STAC: variants seen among roughly 807,000 people sequenced by gnomAD.
The protein encoded by STAC is SH3 and cysteine rich domain, also known as SH3 and cysteine-rich domain-containing protein.
A neutral mutation model predicts 48.8 loss-of-function variants in STAC; 43 were observed. The ratio of observed to expected loss-of-function variants is 0.88; its 90% CI spans 0.69 to 1.14. The LOEUF is 1.14. Among genes scored for constraint, STAC ranks in the 50% most tolerant of loss-of-function variants. STAC has a pLI of 0.00. For missense variants in STAC, 497 were observed against 504.0 expected (o/e 0.99, Z 0.13); for synonymous variants, 193 against 179.5 (o/e 1.07, Z -0.60).
chr3:36,517,817 T>A (rs371447420), intron 8 of STAC, among the ~76,000 whole-genome samples: 1 of 152,236 alleles, frequency 6.6e-6, no homozygotes, highest in African/African-American at 2.4e-5. Flanking sequence ...TACATGTGTG[T>A]GATACACTTA....
chr3:36,529,859 C>T (rs1044221786), intron 10 of STAC, among the ~76,000 whole-genome samples: 6 of 152,208 alleles, frequency 3.9e-5, no homozygotes, highest in African/African-American at 4.8e-5. Flanking sequence ...CGGTGGCTCA[C>T]GCCTGTAATC....
chr3:36,489,594 C>T (rs1697912054), intron 5 of STAC, among the ~76,000 whole-genome samples: 1 of 152,118 alleles, frequency 6.6e-6, no homozygotes, highest in South Asian at 2.1e-4. Flanking sequence ...TCTCACTTTC[C>T]CAGTCCTCTC....
intron 10 of STAC, among the ~76,000 whole-genome samples, chr3:36,530,320 G>A (rs891316091): frequency 6.6e-6 from 1 of 152,072 alleles, no homozygotes; most frequent in African/African-American, 2.4e-5. Flanking sequence ...CAATGAAAAA[G>A]GCATTAATAA....
chr3:36,387,492 C>A (rs1365054359), intron 1 of STAC, among the ~76,000 whole-genome samples: 1 of 152,044 alleles, frequency 6.6e-6, no homozygotes. Context: ...ATTCCCCATC[C>A]CCTTCTTTCC....
At chr3:36,534,237 CTCTT>C (rs1205742363) in intron 10 of STAC, among the ~76,000 whole-genome samples, 1 of 152,274 alleles carries the variant, frequency 6.6e-6, no homozygotes, top group East Asian at 1.9e-4. Flanking sequence ...TAGCATCTCT[CTCTT>C]GAACTTGATG....
intron 1 of STAC, among the ~76,000 whole-genome samples, chr3:36,407,020 C>T (rs1700099501): frequency 6.6e-6 from 1 of 152,328 alleles, no homozygotes; most frequent in South Asian, 2.1e-4. Context: ...TCACGTTCCT[C>T]ATCAACAAAA....
chr3:36,538,730 C>T (rs1301028484), intron 10 of STAC, among the ~76,000 whole-genome samples: 2 of 152,162 alleles, frequency 1.3e-5, no homozygotes, highest in African/African-American at 4.8e-5. Flanking sequence ...TGCTAATCTG[C>T]ATTTTCTGGA....
chr3:36,512,811 G>A (rs764865232), intron 8 of STAC, among the ~76,000 whole-genome samples: 4 of 151,660 alleles, frequency 2.6e-5, no homozygotes, highest in Non-Finnish European at 5.9e-5. Context: ...CCAAGAGTTT[G>A]TAGGTTCCCA....
chr3:36,489,675 C>G (rs1258297567), intron 5 of STAC, among the ~76,000 whole-genome samples: 1 of 152,160 alleles, frequency 6.6e-6, no homozygotes, highest in Non-Finnish European at 1.5e-5. Flanking sequence ...TTACTTTATA[C>G]CAGTGATTCT....
At chr3:36,529,348 T>C (rs1699012827) in intron 10 of STAC, 1 of 157,860 alleles carries the variant, frequency 6.3e-6, no homozygotes, top group African/African-American at 2.4e-5. Context: ...CTCTAACAAA[T>C]ACTTCGTTAT....
intron 1 of STAC, among the ~76,000 whole-genome samples, chr3:36,415,345 A>G (rs1157368230): frequency 6.6e-6 from 1 of 151,892 alleles, no homozygotes; most frequent in Non-Finnish European, 1.5e-5. Flanking sequence ...CACTATGTTT[A>G]CCTACTCAAG....
At chr3:36,431,935 T>C (rs954074841) in intron 1 of STAC, among the ~76,000 whole-genome samples, 5 of 152,188 alleles carry the variant, frequency 3.3e-5, no homozygotes, top group African/African-American at 1.2e-4. Context: ...TTGAGATTGG[T>C]CCTTGGAACC....
chr3:36,396,304 T>C (rs1699856247), intron 1 of STAC, among the ~76,000 whole-genome samples: 1 of 152,110 alleles, frequency 6.6e-6, no homozygotes, highest in Non-Finnish European at 1.5e-5. Flanking sequence ...ACTAGTTTCA[T>C]TAAAAAATTT....
chr3:36,461,216 C>G (rs9857246), intron 2 of STAC, among the ~76,000 whole-genome samples: 138,425 of 152,294 alleles, frequency 0.91, 63,147 homozygotes, highest in African/African-American at 0.98. Context: ...TATTTCAACT[C>G]GAATTCTGGT....
intron 2 of STAC, among the ~76,000 whole-genome samples, chr3:36,454,358 C>T (rs757541611): frequency 2.6e-5 from 4 of 151,982 alleles, no homozygotes; most frequent in Non-Finnish European, 4.4e-5. Context: ...ACACTCACCA[C>T]GAACGTCTGC....
In STAC at chr3:36,398,320, C is replaced by CAAGAAAGCAAGAAAGCAAGA. The variant is rs1208055608; in HGVS notation, c.111+17573_111+17574insCAAGAAAGCAAGAAAGAAAG. On this transcript the variant is annotated intron_variant, in intron 1 of 10. Coordinates refer to ENST00000273183, the MANE Select transcript of STAC (RefSeq NM_003149.3). Reference sequence around the variant, plus strand: ...AAAAGAAAGAAAGAAAGAAAGAAAGCAAGAAAGAAAGAAAGAAAGAAAGAA... The same window carrying CAAGAAAGCAAGAAAGCAAGA: ...AAAAGAAAGAAAGAAAGAAAGAAAGCAAGAAAGCAAGAAAGCAAGAAAGAAAGAAAGAAAGAAAGAAAGAA... 1.4e-3 allele frequency among the ~76,000 whole-genome samples: 119 copies of CAAGAAAGCAAGAAAGCAAGA among 82,230 alleles called. 3 individuals carry two copies. Among genetic ancestry groups the CAAGAAAGCAAGAAAGCAAGA allele is most frequent in the Middle Eastern group, 7.2e-3 (1 of 138 alleles). 53.9% of individuals were successfully genotyped at this position (82,230 alleles called of 152,430 possible).
intron 2 of STAC, among the ~76,000 whole-genome samples, chr3:36,474,673 A>C (rs955223443): frequency 2.0e-5 from 3 of 152,226 alleles, no homozygotes; most frequent in African/African-American, 7.2e-5. Context: ...AGATCATAAG[A>C]GGAGAGAAAA....
intron 2 of STAC, among the ~76,000 whole-genome samples, chr3:36,480,299 A>G (rs909636890): frequency 2.0e-5 from 3 of 152,326 alleles, no homozygotes; most frequent in Admixed American, 2.0e-4. Flanking sequence ...GGACTTTTCA[A>G]TGAGTATTTA....
chr3:36,483,922 G>C (rs1232727320), intron 3 of STAC, among the ~76,000 whole-genome samples: 1 of 152,162 alleles, frequency 6.6e-6, no homozygotes, highest in Non-Finnish European at 1.5e-5. Flanking sequence ...CTGTACTCTA[G>C]CTTGGGTGAC....
Sources: allele counts gnomAD v4.1 joint callset (sites outside exome capture counted in the v4.1 genomes callset), GRCh38; gene constraint gnomAD v4.1.1; transcripts MANE v1.5; gene names NCBI Gene and HGNC (gene_info 2026-07-23, HGNC 2026-07-21).